The following MCFD2 variants were observed in gnomAD, a reference collection of about 807,000 sequenced individuals.
MCFD2 encodes the protein multiple coagulation factor deficiency protein 2.
A neutral mutation model predicts 12.8 loss-of-function variants in MCFD2; 11 were observed. That is an observed-to-expected ratio of 0.86 (90% CI 0.54 to 1.42). MCFD2 has a LOEUF of 1.42. Ranked by LOEUF, MCFD2 falls within the 40% of genes most tolerant of loss-of-function variation. The probability of loss-of-function intolerance (pLI) is 0.00; values close to 1 mark genes in which losing one functional copy is unlikely to be tolerated. For synonymous variants in MCFD2, 70 were observed against 68.1 expected (o/e 1.03, Z -0.14); for missense variants, 191 against 178.6 (o/e 1.07, Z -0.40).
intron 1 of MCFD2, among the ~76,000 whole-genome samples, chr2:46,924,748 C>T (rs377215125): frequency 2.6e-5 from 4 of 152,098 alleles, no homozygotes; most frequent in East Asian, 3.9e-4. Flanking sequence ...TGCCTCAGGC[C>T]CTGGAATAGC....
chr2:46,928,152 A>G (rs1048842643), intron 1 of MCFD2, among the ~76,000 whole-genome samples: 54 of 151,942 alleles, frequency 3.6e-4, no homozygotes, highest in African/African-American at 1.2e-3. Context: ...TTAACCTCCC[A>G]AAGTGCCGGG....
intron 1 of MCFD2, among the ~76,000 whole-genome samples, chr2:46,931,172 G>A (rs1205496367): frequency 6.6e-6 from 1 of 152,246 alleles, no homozygotes; most frequent in Non-Finnish European, 1.5e-5. Flanking sequence ...TAGGAGTGCA[G>A]TGGTGCAATC....
In MCFD2 at chr2:46,907,674, G is replaced by C. The variant is rs1201984899; in HGVS notation, c.309+136C>G. 2.1e-6 allele frequency: 2 copies of C among 962,738 alleles called. No homozygotes were observed. The highest frequency in any genetic ancestry group is 3.3e-6 in the Non-Finnish European group (2 of 615,266). 59.6% of individuals were successfully genotyped at this position (962,738 alleles called of 1,614,324 possible). ...GGCCTCCCAAAGTGCTGGGATTACA[G>C]ATGCGAGCCATCATGCCCAGTGGAG... On this transcript the variant is annotated intron_variant, in intron 3 of 3. Coordinates refer to ENST00000319466, the MANE Select transcript of MCFD2 (RefSeq NM_139279.6). The surrounding 1 kb of genome is among the most constrained non-coding windows in gnomAD (Gnocchi z 4.1).
rs1322314307 is a variant in MCFD2 at position 46,908,453 on chromosome 2, A to G, written c.150-484T>C. On this transcript the variant is annotated intron_variant, in intron 2 of 3. Coordinates refer to ENST00000319466, the MANE Select transcript of MCFD2 (RefSeq NM_139279.6). This position sits in a 1 kb window ranked among gnomAD's most constrained non-coding sequence, Gnocchi z 4.5. ...TTTTTTGCAATTTTTTAGTAGAGACAGGTTTTCCCTATATTGCCTAGGCTG... is the reference window on the plus strand; with the variant it reads ...TTTTTTGCAATTTTTTAGTAGAGACGGGTTTTCCCTATATTGCCTAGGCTG... 1 of 269,810 alleles carries G rather than the reference A, an allele frequency of 3.7e-6. No homozygotes were observed. The highest frequency in any genetic ancestry group is 7.2e-6 in the Non-Finnish European group (1 of 139,144). The allele number at this position is 269,810 out of a possible 1,614,324, so 16.7% of individuals were successfully genotyped here. A position where few individuals can be genotyped will look rare whatever the true frequency, so the allele number is the denominator to read the frequency against.
At chr2:46,917,030 A>T (rs1668838039), upstream of MCFD2, among the ~76,000 whole-genome samples, 3 of 152,304 alleles carry the variant, frequency 2.0e-5, no homozygotes, top group South Asian at 6.2e-4. Flanking sequence ...AAAGACAAAG[A>T]AAGTGGCTAA....
rs144825175 is a variant in MCFD2 at position 46,932,727 on chromosome 2, C to T, written c.-8+8845G>A. 4.9e-3 allele frequency among the ~76,000 whole-genome samples: 747 copies of T among 151,540 alleles called. 6 individuals are homozygous for T. Among genetic ancestry groups the T allele is most frequent in the African/African-American group, 0.017 (715 of 41,314 alleles). On this transcript the variant is annotated intron_variant, in intron 1 of 2. Transcript: ENST00000409147. ...ACCAGTTTGGCCAACAAGGTGAAAC[C>T]CCATCTCTGCTAAAGATACAAAAAT... is the stretch of plus-strand genomic sequence containing the variant.
Position 46,909,124 on chromosome 2 carries a change from G to C in MCFD2, c.48C>G (p.Leu16=), listed in dbSNP as rs750192106. 5 of 1,614,112 alleles carry C rather than the reference G, an allele frequency of 3.1e-6. No individual in the cohort carries two copies. The highest frequency in any genetic ancestry group is 4.2e-6 in the Non-Finnish European group (5 of 1,180,034). Residue 16 remains leucine (L), a synonymous_variant, in exon 2 of 4, where the codon CTC becomes CTG. Transcript: ENST00000319466. ...TGGCGCCTGGGGCACAAAAGGCCCA[G>C]AGCAGGCCACACAGGAAGGGGGTTC... ...LLRTPFLCGL[L]WAFCAPGARA... is the part of the protein sequence containing the mutation.
intron 1 of MCFD2, among the ~76,000 whole-genome samples, chr2:46,923,794 G>A (rs1056888093): frequency 7.9e-5 from 12 of 151,916 alleles, no homozygotes; most frequent in South Asian, 6.2e-4. Context: ...GTGCAATGGC[G>A]CCATCTCAGC....
At chr2:46,928,479 A>C (rs1053041235) in intron 1 of MCFD2, among the ~76,000 whole-genome samples, 104 of 149,800 alleles carry the variant, frequency 6.9e-4, no homozygotes, top group Non-Finnish European at 1.3e-3. Context: ...AAAAAAAAAA[A>C]AAAAAACTTG....
In MCFD2 at chr2:46,937,668, A is replaced by G. The variant is rs1558484272; in HGVS notation, c.-8+3904T>C. ...GTCCAGGCTGGTCTTGAATTCCTGG[A>G]CTCAAGTGATTCTCCCACCTCCTTC... On this transcript the variant is annotated intron_variant, in intron 1 of 2. Coordinates refer to the MCFD2 transcript ENST00000409147. The surrounding 1 kb of genome is among the most constrained non-coding windows in gnomAD (Gnocchi z 4.0). 6.6e-6 allele frequency among the ~76,000 whole-genome samples: 1 copy of G among 151,998 alleles called. No individual in the cohort carries two copies. The highest frequency in any genetic ancestry group is 1.5e-5 in the Non-Finnish European group (1 of 67,996).
At chr2:46,909,319 C>T in intron 1 of MCFD2, 142 bp from the exon 2 acceptor site, 2 of 1,000,506 alleles carry the variant, frequency 2.0e-6, no homozygotes, top group Admixed American at 2.1e-5. Flanking sequence ...CCAATGCCAG[C>T]TCTGCTTTGA....
At chr2:46,913,549 G>A (rs766120862) in intron 1 of MCFD2, among the ~76,000 whole-genome samples, 5 of 152,230 alleles carry the variant, frequency 3.3e-5, no homozygotes, top group Non-Finnish European at 5.9e-5. Context: ...CATCATCCAT[G>A]CTCTAACTAC....
At chr2:46,919,738 C>T (rs1422794195), upstream of MCFD2, among the ~76,000 whole-genome samples, 1 of 152,182 alleles carries the variant, frequency 6.6e-6, no homozygotes, top group East Asian at 1.9e-4. Context: ...GGTGTGCGTT[C>T]TGCACAAGTA....
chr2:46,927,345 A>G (rs2103825411), intron 1 of MCFD2, among the ~76,000 whole-genome samples: 1 of 150,138 alleles, frequency 6.7e-6, no homozygotes, highest in Non-Finnish European at 1.5e-5. Context: ...AAGATAGAGG[A>G]GAAAAAAAGA....
chr2:46,930,659 G>A (rs890960487), intron 1 of MCFD2, among the ~76,000 whole-genome samples: 30 of 152,000 alleles, frequency 2.0e-4, no homozygotes, highest in Non-Finnish European at 3.2e-4. Context: ...GCAACCACGT[G>A]CAGCTAATTT....
chr2:46,905,392 C>T lies in MCFD2; in HGVS notation c.*71G>A. 2 of 1,557,640 alleles carry T rather than the reference C, an allele frequency of 1.3e-6. No individual in the cohort carries two copies. The highest frequency in any genetic ancestry group is 1.8e-6 in the Non-Finnish European group (2 of 1,131,386). On this transcript the variant is annotated 3_prime_UTR_variant, in exon 4 of 4. Coordinates refer to ENST00000319466, the MANE Select transcript of MCFD2 (RefSeq NM_139279.6). ...CAGTAGTTGGAAATGAGTTATTTTG[C>T]ATTACTAAAGTGTTCAATCACATTA... is the stretch of plus-strand genomic sequence containing the variant.
chr2:46,905,235 G>A lies in MCFD2; in HGVS notation c.*228C>T, dbSNP rs1439335023. On this transcript the variant is annotated 3_prime_UTR_variant, in exon 4 of 4. Transcript: ENST00000319466. ...AGACTAATACAGATGCTTGAAGCAA[G>A]CCCTTGTCCAATAAGGTATTTAATA... 1 of 546,714 alleles carries A rather than the reference G, an allele frequency of 1.8e-6. No homozygotes were observed. The highest frequency in any genetic ancestry group is 3.3e-6 in the Non-Finnish European group (1 of 300,104). 33.9% of individuals were successfully genotyped at this position (546,714 alleles called of 1,614,324 possible). A position where few individuals can be genotyped will look rare whatever the true frequency, so the allele number is the denominator to read the frequency against.
chr2:46,920,234 C>T (rs1669029620), upstream of MCFD2, among the ~76,000 whole-genome samples: 1 of 152,110 alleles, frequency 6.6e-6, no homozygotes, highest in African/African-American at 2.4e-5. Context: ...AATTAGCATT[C>T]TTTAGTATCC....
chr2:46,919,107 G>T (rs1668966895), upstream of MCFD2, among the ~76,000 whole-genome samples: 1 of 152,220 alleles, frequency 6.6e-6, no homozygotes, highest in Non-Finnish European at 1.5e-5. Flanking sequence ...CTATGTAGGG[G>T]ATTCCAGAGT....
Sources: allele counts gnomAD v4.1 joint callset (sites outside exome capture counted in the v4.1 genomes callset), GRCh38; gene constraint gnomAD v4.1.1; non-coding constraint Gnocchi (gnomAD v3.1); transcripts MANE v1.5; gene names NCBI Gene and HGNC (gene_info 2026-07-23, HGNC 2026-07-21).